ROBO2: variants seen among roughly 807,000 people sequenced by gnomAD.
ROBO2 encodes roundabout homolog 2.
A neutral mutation model predicts 160.8 loss-of-function variants in ROBO2; 53 were observed. The observed-to-expected ratio is 0.33, with a 90% CI of 0.26 to 0.41. ROBO2 has a LOEUF of 0.41. ROBO2 is among the 10% of genes least tolerant of loss of function. ROBO2 has a pLI of 1.00. For synonymous variants in ROBO2, 664 were observed against 611.7 expected (o/e 1.09, Z -1.26); for missense variants, 1,577 against 1,722.4 (o/e 0.92, Z 1.49).
intron 2 of ROBO2, among the ~76,000 whole-genome samples, chr3:76,723,138 TG>T (rs2093491568): frequency 6.6e-6 from 1 of 152,178 alleles, no homozygotes; most frequent in Non-Finnish European, 1.5e-5. Context: ...TCTATTTGGA[TG>T]GAAAAGAAAA....
chr3:77,425,075 G>A lies in ROBO2; in HGVS notation c.389-52339G>A, dbSNP rs143354108. On this transcript the variant is annotated intron_variant, in intron 2 of 25. Coordinates refer to ENST00000461745, the Ensembl canonical transcript of ROBO2. ...ACTCTTACCCATGGCTAATATTTGA[G>A]TGAAAGGCAAATTGGTAAATATTTT... Among the ~76,000 whole-genome samples, 15 of 152,110 alleles carry A rather than the reference G, an allele frequency of 9.9e-5. No individual in the cohort carries two copies. The East Asian group carries it at 2.9e-3, about 29-fold the overall frequency.
chr3:76,093,247 AT>A (rs1295569299), intron 2 of ROBO2, among the ~76,000 whole-genome samples: 14 of 151,948 alleles, frequency 9.2e-5, no homozygotes, highest in Non-Finnish European at 2.1e-4. Flanking sequence ...TTGCTTCCTC[AT>A]TTGTTCAATC....
At chr3:77,377,413 A>AT (rs2072837555) in intron 2 of ROBO2, among the ~76,000 whole-genome samples, 2 of 152,312 alleles carry the variant, frequency 1.3e-5, no homozygotes, top group Admixed American at 1.3e-4. Flanking sequence ...ACAAATATTG[A>AT]TATACTATAC....
intron 2 of ROBO2, among the ~76,000 whole-genome samples, chr3:76,960,696 A>G (rs2079585397): frequency 6.6e-6 from 1 of 152,156 alleles, no homozygotes; most frequent in South Asian, 2.1e-4. Flanking sequence ...CTAAGATGTA[A>G]AAGTGACACA....
intron 2 of ROBO2, among the ~76,000 whole-genome samples, chr3:77,434,716 T>A (rs554580314): frequency 6.6e-6 from 1 of 152,264 alleles, no homozygotes; most frequent in African/African-American, 2.4e-5. Flanking sequence ...TTCCAGCTAC[T>A]GGATCCTAGG....
intron 2 of ROBO2, among the ~76,000 whole-genome samples, chr3:77,180,112 G>C (rs576316927): frequency 1.3e-5 from 2 of 151,612 alleles, no homozygotes; most frequent in Non-Finnish European, 2.9e-5. Flanking sequence ...GTTTAGTGTT[G>C]ATGAGATCTA....
rs146137607 is a variant in ROBO2, at chr3:76,126,099, C to A, written c.109+188497C>A. Among the ~76,000 whole-genome samples the A allele has an allele frequency of 9.4e-3, 1,429 of 152,260 alleles. 24 individuals carry two copies. Among genetic ancestry groups the A allele is most frequent in the African/African-American group, 0.033 (1,379 of 41,562 alleles). ...AAAGTGCTGGGATTACAGGCGTGAG[C>A]CACTGCACCCAGCCTGCATCAAAAT... On this transcript the variant is annotated intron_variant, in intron 2 of 26. Transcript: ENST00000487694.
At chr3:76,834,106 C>CTTTCTT (rs2067412284) in intron 2 of ROBO2, among the ~76,000 whole-genome samples, 1 of 124,104 alleles carries the variant, frequency 8.1e-6, no homozygotes, top group Non-Finnish European at 1.7e-5. Flanking sequence ...TTCTTTCTTT[C>CTTTCTT]TTTCTTTCTC....
chr3:76,101,025 A>T (rs1458468809), intron 2 of ROBO2, among the ~76,000 whole-genome samples: 3 of 152,038 alleles, frequency 2.0e-5, no homozygotes, highest in African/African-American at 7.2e-5. Flanking sequence ...AGTGCTGTGT[A>T]TAAAAAAAAA....
intron 2 of ROBO2, among the ~76,000 whole-genome samples, chr3:76,377,025 A>G (rs1359920615): frequency 6.6e-6 from 1 of 152,116 alleles, no homozygotes; most frequent in Non-Finnish European, 1.5e-5. Context: ...TGTTATTCCT[A>G]CAAGGTAACT....
At chr3:76,203,286 G>A (rs1008975154) in intron 2 of ROBO2, among the ~76,000 whole-genome samples, 1 of 152,182 alleles carries the variant, frequency 6.6e-6, no homozygotes, top group African/African-American at 2.4e-5. Context: ...AAGGAGGAAT[G>A]AAAGCGAAGC....
chr3:77,183,029 C>A (rs1276845164), intron 2 of ROBO2, among the ~76,000 whole-genome samples: 2 of 151,984 alleles, frequency 1.3e-5, no homozygotes, highest in Non-Finnish European at 2.9e-5. Context: ...TGCCTCAGGT[C>A]ATTATAATCT....
chr3:77,139,357 C>A (rs974269872), intron 2 of ROBO2, among the ~76,000 whole-genome samples: 2 of 152,110 alleles, frequency 1.3e-5, no homozygotes, highest in African/African-American at 4.8e-5. Flanking sequence ...CATTAATACA[C>A]TCCATTCATA....
chr3:76,970,921 T>C (rs1345444597), intron 2 of ROBO2, among the ~76,000 whole-genome samples: 2 of 152,206 alleles, frequency 1.3e-5, no homozygotes, highest in African/African-American at 2.4e-5. Flanking sequence ...GAAATACATG[T>C]TATTTTCATC....
chr3:76,504,810 G>C (rs2080704610), intron 2 of ROBO2, among the ~76,000 whole-genome samples: 1 of 152,110 alleles, frequency 6.6e-6, no homozygotes, highest in South Asian at 2.1e-4. Context: ...TTACAGGCCT[G>C]AGCCACCGCA....
chr3:76,705,711 A>G (rs2093146639), intron 2 of ROBO2, among the ~76,000 whole-genome samples: 1 of 152,142 alleles, frequency 6.6e-6, no homozygotes, highest in African/African-American at 2.4e-5. Context: ...CTTTACTTAA[A>G]CACACTTCCA....
At chr3:76,811,939 T>G (rs1576781754) in intron 2 of ROBO2, among the ~76,000 whole-genome samples, 1 of 151,210 alleles carries the variant, frequency 6.6e-6, no homozygotes, top group East Asian at 2.0e-4. Flanking sequence ...GGCACAATCT[T>G]GGCTCACTGC....
At chr3:75,957,248 AACAC>A (rs74280410) in intron 2 of ROBO2, among the ~76,000 whole-genome samples, 56,616 of 149,338 alleles carry the variant, frequency 0.38, 11,546 homozygotes, top group South Asian at 0.64. Context: ...ACACACACAA[AACAC>A]ACACACACAC....
At chr3:76,395,916 C>T (rs1204191348) in intron 2 of ROBO2, among the ~76,000 whole-genome samples, 1 of 152,106 alleles carries the variant, frequency 6.6e-6, no homozygotes, top group Non-Finnish European at 1.5e-5. Flanking sequence ...GGTACTATTC[C>T]TTCTGAAACC....
Sources: gnomAD v4.1 joint callset for allele counts (sites outside exome capture counted in the v4.1 genomes callset) on GRCh38, gnomAD v4.1.1 for gene constraint, MANE v1.5 for transcripts, NCBI Gene and HGNC (gene_info 2026-07-23, HGNC 2026-07-21) for gene names.